Variants in RABEP2 observed in about 807,000 individuals in gnomAD.
RABEP2 encodes rabaptin, RAB GTPase binding effector protein 2, also known as rab GTPase-binding effector protein 2.
Under a neutral mutation model 74.1 loss-of-function variants are expected in RABEP2, and 57 were observed. The ratio of observed to expected loss-of-function variants is 0.77; its 90% CI spans 0.62 to 0.96. RABEP2 has a LOEUF of 0.96. Among genes scored for constraint, RABEP2 ranks in the 40% least tolerant of loss-of-function variants. The pLI, the probability that RABEP2 is intolerant of heterozygous loss-of-function variation, is 0.00. For missense variants in RABEP2, 692 were observed against 756.3 expected, an observed-to-expected ratio of 0.91 and a Z score of 1.00; for synonymous variants, 351 against 344.0, an observed-to-expected ratio of 1.02 and a Z score of -0.23.
intron 12 of RABEP2, 130 bp downstream of exon 12, chr16:28,905,267 T>G (rs921763092): frequency 1.4e-6 from 1 of 737,350 alleles, no homozygotes; most frequent in Non-Finnish European, 2.2e-6. Flanking sequence ...GAGTAACAGC[T>G]CAGGACAGGA....
At chr16:28,916,758 G>A (rs1271788144) in intron 3 of RABEP2, among the ~76,000 whole-genome samples, 1 of 151,822 alleles carries the variant, frequency 6.6e-6, no homozygotes, top group East Asian at 1.9e-4. Flanking sequence ...GGCCAAGGTG[G>A]GCCGATCACA....
intron 7 of RABEP2, chr16:28,910,627 T>G: frequency 2.4e-6 from 1 of 419,386 alleles, no homozygotes; most frequent in Non-Finnish European, 4.3e-6. Context: ...TTATGTCAGT[T>G]TTATAGATGG....
chr16:28,904,955 G>T lies in RABEP2; in HGVS notation c.1698C>A (p.Ile566=). 1 of 1,612,168 alleles carries T rather than the reference G, an allele frequency of 6.2e-7. No individual in the cohort carries two copies. The change falls in exon 13 of 13, where the codon ATC becomes ATA. Residue 566 remains isoleucine, a synonymous_variant. Coordinates refer to ENST00000358201, the MANE Select transcript of RABEP2 (RefSeq NM_024816.3). ...DEAPLTDVRD[I]KDT ...ATATCCTGACCCCTCAGGTGTCCTT[G>T]ATGTCCCTGACGTCCGTGAGTGGCG...
intron 5 of RABEP2, among the ~76,000 whole-genome samples, chr16:28,911,656 G>GAA (rs112165632): frequency 4.8e-4 from 41 of 84,850 alleles, no homozygotes; most frequent in African/African-American, 8.6e-4. Flanking sequence ...TCAAAAAAGA[G>GAA]AAAAAAAAAA....
intron 3 of RABEP2, among the ~76,000 whole-genome samples, chr16:28,918,351 A>G (rs7499211): frequency 0.97 from 147,837 of 152,242 alleles, 71,827 homozygotes; most frequent in East Asian, 1. Flanking sequence ...GGTGGTTCAC[A>G]CCTGCAATCC....
chr16:28,919,877 T>A lies in RABEP2; in HGVS notation c.341A>T (p.Asp114Val). 6.3e-7 allele frequency: 1 copy of A among 1,599,702 alleles called. No individual in the cohort carries two copies. Residue 114 changes from aspartate to valine, a missense_variant, in exon 3 of 13, where the codon GAC (aspartate) becomes GTC (valine). Physicochemically the swap from Asp to Val is radical, Grantham distance 152. Coordinates refer to ENST00000358201, the MANE Select transcript of RABEP2 (RefSeq NM_024816.3). ...CAGCTCCCGCTCCTTCTCCTCACAG[T>A]CCTGCTGCTGCTGCTGTCGCTCCTG... ...LKQERQQQQQ[D>V]CEEKERELGR...
intron 2 of RABEP2, 56 bp from the exon 3 acceptor site, chr16:28,919,999 T>C: frequency 6.7e-7 from 1 of 1,502,584 alleles, no homozygotes; most frequent in Non-Finnish European, 8.9e-7. Context: ...CAGCCCTGCC[T>C]GTGGGCGAGC....
intron 2 of RABEP2, among the ~76,000 whole-genome samples, chr16:28,923,012 A>G (rs1964486884): frequency 6.6e-6 from 1 of 152,192 alleles, no homozygotes; most frequent in Non-Finnish European, 1.5e-5. Flanking sequence ...CTTCCTCTGT[A>G]AAATGGAGAT....
rs1218026059 is a variant in RABEP2, at chr16:28,924,708, A to T, written c.62-93T>A. On this transcript the variant is annotated intron_variant, in intron 1 of 12. Transcript: ENST00000358201. ...CCTGCAACCTAGTACTGTTGCCTTCATCTGGGGCCTCCTTCACCTGGGCCC... is the reference window on the plus strand; with the variant it reads ...CCTGCAACCTAGTACTGTTGCCTTCTTCTGGGGCCTCCTTCACCTGGGCCC... The T allele has an allele frequency of 3.4e-6, 4 of 1,181,790 alleles. No homozygotes were observed. In the Admixed American group the frequency reaches 7.7e-5, roughly 23 times the overall value. 73.2% of individuals were successfully genotyped at this position (1,181,790 alleles called of 1,614,324 possible). A position where few individuals can be genotyped will look rare whatever the true frequency, so the allele number is the denominator to read the frequency against.
intron 7 of RABEP2, among the ~76,000 whole-genome samples, chr16:28,909,721 T>TC (rs1017040273): frequency 4.1e-5 from 6 of 146,386 alleles, no homozygotes; most frequent in African/African-American, 1.6e-4. Flanking sequence ...ACACACCATT[T>TC]CTTAAAAAAA....
intron 12 of RABEP2, 71 bp downstream of exon 12, chr16:28,905,326 T>C (rs1051941823): frequency 3.6e-6 from 4 of 1,125,982 alleles, no homozygotes; most frequent in Admixed American, 1.9e-5. Context: ...CAGGGAACTG[T>C]CCTTGCAAGA....
At chr16:28,920,022 A>T (rs1478914092) in intron 2 of RABEP2, 79 bp from the exon 3 acceptor site, 7 of 1,413,882 alleles carry the variant, frequency 5.0e-6, no homozygotes, top group Non-Finnish European at 6.6e-6. Context: ...GGGACTCTTG[A>T]TGCACTGACT....
chr16:28,905,196 G>T, intron 12 of RABEP2, 152 bp from the exon 13 acceptor site: 2 of 717,656 alleles, frequency 2.8e-6, no homozygotes, highest in South Asian at 1.8e-5. Context: ...CGTCCACCAT[G>T]CCCTGTACTG....
intron 2 of RABEP2, chr16:28,920,999 G>C: frequency 2.8e-6 from 1 of 353,808 alleles, no homozygotes; most frequent in South Asian, 2.1e-5. Flanking sequence ...GAGTAGCTGG[G>C]ACTACAGGCA....
intron 2 of RABEP2, 49 bp from the exon 3 acceptor site, chr16:28,919,992 C>T: frequency 9.2e-6 from 14 of 1,519,362 alleles, no homozygotes; most frequent in Non-Finnish European, 1.2e-5. Context: ...AATGAGCCAG[C>T]CCTGCCTGTG....
chr16:28,909,028 T>C (rs971364171), intron 7 of RABEP2, among the ~76,000 whole-genome samples: 6 of 148,678 alleles, frequency 4.0e-5, no homozygotes, highest in African/African-American at 7.4e-5. Context: ...TATATACACA[T>C]ACACACACAC....
intron 7 of RABEP2, among the ~76,000 whole-genome samples, chr16:28,909,746 C>T (rs572731098): frequency 4.0e-4 from 60 of 151,334 alleles, no homozygotes; most frequent in African/African-American, 1.3e-3. Flanking sequence ...AACAGGAGGC[C>T]GGGCTCAGTG....
Position 28,908,639 on chromosome 16 carries a change from G to A in RABEP2, c.1215C>T (p.Gly405=), listed in dbSNP as rs768050280. ...CAGAGCTGGGCAGTGATTCCTCCTC[G>A]CCCTGCTCCTGCTGCGAGCCCTGGG... The part of the protein sequence containing the change: ...SAPQGSQQEQ[G]EEESLPSSVP... The change falls in exon 8 of 13, where the codon GGC becomes GGT. Residue 405 remains glycine, a synonymous_variant. Coordinates refer to ENST00000358201, the MANE Select transcript of RABEP2 (RefSeq NM_024816.3). The A allele has an allele frequency of 8.7e-6, 14 of 1,613,650 alleles. No homozygotes were observed. Among genetic ancestry groups the A allele is most frequent in the African/African-American group, 6.7e-5 (5 of 74,930 alleles).
chr16:28,914,809 T>C lies in RABEP2; in HGVS notation c.433-27A>G, dbSNP rs377714369. The stretch of plus-strand genomic sequence containing the variant: ...TGGAGGGAGCGGGGTGTGGCAGCAA[T>C]AGTTCCCCCTCCAAAGTGCTGAAGC... On this transcript the variant is annotated intron_variant, in intron 3 of 12. Transcript: ENST00000358201. 4.4e-6 allele frequency: 7 copies of C among 1,600,990 alleles called. No individual in the cohort carries two copies. In the African/African-American group the frequency reaches 8.0e-5, roughly 18 times the overall value.
Sources: gnomAD v4.1 joint callset for allele counts (sites outside exome capture counted in the v4.1 genomes callset) on GRCh38, gnomAD v4.1.1 for gene constraint, MANE v1.5 for transcripts, NCBI Gene and HGNC (gene_info 2026-07-23, HGNC 2026-07-21) for gene names.